The following UGGT2 variants were observed in gnomAD, a reference collection of about 807,000 sequenced individuals.
UGGT2 encodes the protein UDP-glucose:glycoprotein glucosyltransferase 2.
UGGT2 carries 180 observed loss-of-function variants against 192.1 expected under a neutral mutation model. The ratio of observed to expected loss-of-function variants is 0.94; its 90% CI spans 0.83 to 1.06. The LOEUF is 1.06. Among genes scored for constraint, UGGT2 ranks in the 50% least tolerant of loss-of-function variants. The probability of loss-of-function intolerance (pLI) is 0.00; values close to 1 mark genes in which losing one functional copy is unlikely to be tolerated. For missense variants in UGGT2, 1,849 were observed against 1,795.7 expected (o/e 1.03, Z -0.54); for synonymous variants, 580 against 591.0 (o/e 0.98, Z 0.27).
chr13:95,819,791 A>ACTAAACTCTTAGG (rs1301387345), intron 38 of UGGT2, among the ~76,000 whole-genome samples: 1 of 152,226 alleles, frequency 6.6e-6, no homozygotes, highest in African/African-American at 2.4e-5. Flanking sequence ...AAGGGGTAGA[A>ACTAAACTCTTAGG]TCAACTAAAA....
At position 95,898,083 on chromosome 13, in the gene UGGT2, T is replaced by A. The variant is rs868538778; in HGVS notation, c.2634+2724A>T. Among the ~76,000 whole-genome samples the A allele has an allele frequency of 5.3e-5, 8 of 152,114 alleles. No homozygotes were observed. The Middle Eastern group carries it at 0.01, about 194-fold the overall frequency. ...CTGTCCATTCTTCACATAAAATACA[T>A]CCCATATCCACTTCTTACTACCACC... On this transcript the variant is annotated intron_variant, in intron 22 of 38. Transcript: ENST00000376747.
chr13:95,829,301 TGTTGGAA>T (rs1886404331), intron 38 of UGGT2, among the ~76,000 whole-genome samples: 1 of 152,122 alleles, frequency 6.6e-6, no homozygotes, highest in African/African-American at 2.4e-5. Flanking sequence ...TTCAACATAG[TGTTGGAA>T]GTTCTGGCCA....
chr13:95,993,549 T>C (rs1008353840), intron 7 of UGGT2, among the ~76,000 whole-genome samples: 9 of 152,194 alleles, frequency 5.9e-5, no homozygotes, highest in Admixed American at 3.3e-4. Context: ...GGGATAAAAA[T>C]GTATTGTTAG....
intron 5 of UGGT2, among the ~76,000 whole-genome samples, chr13:96,000,246 T>C (rs1370581838): frequency 1.3e-5 from 2 of 152,150 alleles, no homozygotes; most frequent in African/African-American, 4.8e-5. Context: ...GAGGAAAAGG[T>C]AGAGATTGGA....
At chr13:96,041,675 T>C (rs893125443) in intron 1 of UGGT2, among the ~76,000 whole-genome samples, 1 of 152,126 alleles carries the variant, frequency 6.6e-6, no homozygotes, top group African/African-American at 2.4e-5. Context: ...CTCAGTGCTG[T>C]TGGGTGGGGC....
intron 4 of UGGT2, among the ~76,000 whole-genome samples, chr13:96,015,847 T>TA (rs1034367613): frequency 6.6e-6 from 1 of 152,254 alleles, no homozygotes; most frequent in African/African-American, 2.4e-5. Context: ...ACTACCTATA[T>TA]ATACACCGCA....
chr13:95,954,581 A>T (rs1002266427), intron 12 of UGGT2, among the ~76,000 whole-genome samples: 25 of 152,328 alleles, frequency 1.6e-4, no homozygotes, highest in African/African-American at 5.3e-4. Context: ...TAAAACAGAC[A>T]TTCCTTTCTA....
chr13:95,906,144 G>C (rs1019851783), intron 20 of UGGT2, among the ~76,000 whole-genome samples: 1 of 152,064 alleles, frequency 6.6e-6, no homozygotes, highest in African/African-American at 2.4e-5. Flanking sequence ...TTGGTACTTT[G>C]AATTTCTGGA....
rs776228385 is a variant in UGGT2, at chr13:95,854,278, C to T, written c.4169+37G>A. The T allele has an allele frequency of 2.5e-6, 4 of 1,575,240 alleles. No individual in the cohort carries two copies. In the Admixed American group the frequency reaches 5.9e-5, roughly 23 times the overall value. ...CTGAAAGTTGCAATTCAATACATTA[C>T]TTATTTACTAAATGGTAAGGGTCTG... On this transcript the variant is annotated intron_variant, in intron 35 of 38. Transcript: ENST00000376747.
At chr13:96,008,912 T>C (rs546834828) in intron 5 of UGGT2, among the ~76,000 whole-genome samples, 2 of 152,132 alleles carry the variant, frequency 1.3e-5, no homozygotes, top group Admixed American at 6.5e-5. Flanking sequence ...AGAGCCTGAA[T>C]AGTCAAGGCA....
chr13:95,809,005 T>C (rs1040378308), intron 38 of UGGT2, among the ~76,000 whole-genome samples: 4 of 152,184 alleles, frequency 2.6e-5, no homozygotes, highest in African/African-American at 4.8e-5. Context: ...TTATAGGATA[T>C]AAAAACTAAC....
intron 12 of UGGT2, among the ~76,000 whole-genome samples, chr13:95,959,786 C>G (rs1045326867): frequency 6.6e-6 from 1 of 152,206 alleles, no homozygotes; most frequent in Non-Finnish European, 1.5e-5. Flanking sequence ...AGCACCCAAG[C>G]AAGTCATCTA....
At chr13:95,940,614 G>C (rs1296258081) in intron 15 of UGGT2, among the ~76,000 whole-genome samples, 1 of 151,722 alleles carries the variant, frequency 6.6e-6, no homozygotes, top group Non-Finnish European at 1.5e-5. Flanking sequence ...ACCACACCTG[G>C]CTAGATTTTT....
At chr13:95,889,715 T>C (rs188823050) in intron 25 of UGGT2, among the ~76,000 whole-genome samples, 18 of 152,350 alleles carry the variant, frequency 1.2e-4, no homozygotes. Flanking sequence ...GAGACTGATA[T>C]CTGTCTCTTC....
At chr13:95,882,997 G>A (rs971547242) in intron 27 of UGGT2, among the ~76,000 whole-genome samples, 1 of 151,844 alleles carries the variant, frequency 6.6e-6, no homozygotes. Flanking sequence ...AGATTCATTT[G>A]TTAAGTTTTT....
chr13:95,998,459 C>G (rs1477045686), intron 6 of UGGT2, among the ~76,000 whole-genome samples: 1 of 152,064 alleles, frequency 6.6e-6, no homozygotes, highest in Non-Finnish European at 1.5e-5. Flanking sequence ...GTAGGAGGAG[C>G]CAGAGAGAAG....
intron 38 of UGGT2, among the ~76,000 whole-genome samples, chr13:95,824,286 A>G (rs1187364956): frequency 3.5e-5 from 5 of 141,610 alleles, no homozygotes. Context: ...ATCTTTTCAT[A>G]ATGAAATTTC....
intron 38 of UGGT2, among the ~76,000 whole-genome samples, chr13:95,815,672 C>CT (rs1211210289): frequency 2.6e-5 from 4 of 152,104 alleles, no homozygotes; most frequent in African/African-American, 9.7e-5. Flanking sequence ...TCTCAGTGGG[C>CT]TTTTTTGTTT....
chr13:95,903,643 CTGT>C (rs2048179148), intron 20 of UGGT2, among the ~76,000 whole-genome samples: 1 of 152,176 alleles, frequency 6.6e-6, no homozygotes, highest in East Asian at 1.9e-4. Context: ...ATACTGTTTT[CTGT>C]AGCTGTAGTC....
Sources: allele counts gnomAD v4.1 joint callset (sites outside exome capture counted in the v4.1 genomes callset), GRCh38; gene constraint gnomAD v4.1.1; transcripts MANE v1.5; gene names NCBI Gene and HGNC (gene_info 2026-07-23, HGNC 2026-07-21).